ARFGEF3: variants seen among roughly 807,000 people sequenced by gnomAD.
The protein encoded by ARFGEF3 is ARFGEF family member 3.
In ARFGEF3, 96 loss-of-function variants were observed where a neutral mutation model predicts 221.7. That is an observed-to-expected ratio of 0.43 (90% CI 0.37 to 0.51). ARFGEF3 has a LOEUF of 0.51. ARFGEF3 is among the 20% of genes least tolerant of loss of function. The pLI, the probability that ARFGEF3 is intolerant of heterozygous loss-of-function variation, is 0.00. For synonymous variants in ARFGEF3, 1,145 were observed against 1,126.8 expected (o/e 1.02, Z -0.32); for missense variants, 2,410 against 2,789.9 (o/e 0.86, Z 3.07).
At chr6:138,163,882 A>G (rs1453649213) in intron 1 of ARFGEF3, among the ~76,000 whole-genome samples, 1 of 152,216 alleles carries the variant, frequency 6.6e-6, no homozygotes, top group African/African-American at 2.4e-5. Flanking sequence ...CCAGGAAAAC[A>G]AGTCAAAGAA....
intron 12 of ARFGEF3, among the ~76,000 whole-genome samples, chr6:138,266,142 G>A (rs988545734): frequency 2.6e-5 from 4 of 151,988 alleles, no homozygotes; most frequent in Non-Finnish European, 4.4e-5. Flanking sequence ...GGGCCTGGGA[G>A]GTTGAGGCTC....
rs929422285 is a variant in ARFGEF3 at position 138,337,502 on chromosome 6, G to A, written c.*1016G>A. Reference sequence around the variant, plus strand: ...CTCAGGGAAGGGAGCAGGGAGTGTGGGGTGGGGATGGATTATGATGAAATC... The same window carrying A: ...CTCAGGGAAGGGAGCAGGGAGTGTGAGGTGGGGATGGATTATGATGAAATC... On this transcript the variant is annotated 3_prime_UTR_variant, in exon 34 of 34. Coordinates refer to ENST00000251691, the MANE Select transcript of ARFGEF3 (RefSeq NM_020340.5). The A allele has an allele frequency of 2.0e-5, 3 of 152,604 alleles. No homozygotes were observed. The highest frequency in any genetic ancestry group is 7.2e-5 in the African/African-American group (3 of 41,436). The allele number at this position is 152,604 out of a possible 1,614,324, so 9.5% of individuals were successfully genotyped here.
At chr6:138,281,106 AT>A (rs1368262569) in intron 14 of ARFGEF3, among the ~76,000 whole-genome samples, 1 of 152,134 alleles carries the variant, frequency 6.6e-6, no homozygotes, top group Admixed American at 6.5e-5. Context: ...AATGAGGAGG[AT>A]TTCATCATTG....
chr6:138,279,819 A>G (rs531721287), intron 13 of ARFGEF3, among the ~76,000 whole-genome samples, 180 bp from the exon 14 acceptor site: 2 of 152,296 alleles, frequency 1.3e-5, no homozygotes, highest in Admixed American at 1.3e-4. Context: ...CAGTGAAGGA[A>G]ACCTCAGCAC....
At chr6:138,311,026 T>A (rs1419867667) in intron 24 of ARFGEF3, among the ~76,000 whole-genome samples, 1 of 152,128 alleles carries the variant, frequency 6.6e-6, no homozygotes, top group Admixed American at 6.5e-5. Context: ...AGTCACTCCA[T>A]CCAACAGCAG....
At chr6:138,288,553 G>A (rs777885290) in intron 17 of ARFGEF3, among the ~76,000 whole-genome samples, 1 of 152,080 alleles carries the variant, frequency 6.6e-6, no homozygotes, top group African/African-American at 2.4e-5. Context: ...GCTGGGCGTG[G>A]TGGTGGGTGC....
At chr6:138,223,100 G>A (rs938411330) in intron 4 of ARFGEF3, among the ~76,000 whole-genome samples, 20 of 152,220 alleles carry the variant, frequency 1.3e-4, no homozygotes, top group South Asian at 6.2e-4. Flanking sequence ...ACATTTCATG[G>A]TCGAGGTACA....
intron 21 of ARFGEF3, among the ~76,000 whole-genome samples, chr6:138,297,789 G>A (rs867604843): frequency 6.6e-6 from 1 of 152,168 alleles, no homozygotes; most frequent in Non-Finnish European, 1.5e-5. Context: ...GAAATTTGAG[G>A]TAGGCTTCTC....
At chr6:138,169,450 G>A (rs1776784969) in intron 1 of ARFGEF3, among the ~76,000 whole-genome samples, 1 of 152,158 alleles carries the variant, frequency 6.6e-6, no homozygotes, top group East Asian at 1.9e-4. Flanking sequence ...AGCCTTGGTT[G>A]ACTATATATC....
intron 10 of ARFGEF3, among the ~76,000 whole-genome samples, chr6:138,259,406 T>C (rs574242358): frequency 8.5e-5 from 13 of 152,300 alleles, no homozygotes; most frequent in Admixed American, 4.6e-4. Flanking sequence ...AAATGAACAG[T>C]AACGAAAAAG....
At chr6:138,167,767 G>C (rs1486876495) in intron 1 of ARFGEF3, among the ~76,000 whole-genome samples, 1 of 152,112 alleles carries the variant, frequency 6.6e-6, no homozygotes, top group Non-Finnish European at 1.5e-5. Context: ...GTCTGCTCTA[G>C]TTCTTTTTCC....
intron 2 of ARFGEF3, among the ~76,000 whole-genome samples, chr6:138,178,674 G>C (rs1300844554): frequency 2.0e-5 from 3 of 152,102 alleles, no homozygotes; most frequent in Non-Finnish European, 4.4e-5. Context: ...CCTTATAAAT[G>C]TTTGTGGGAT....
rs756753934 is a variant in ARFGEF3 at position 138,336,288 on chromosome 6, C to A, written c.6343-7C>A. 2.6e-5 allele frequency: 39 copies of A among 1,506,364 alleles called. No homozygotes were observed. The Admixed American group carries it at 6.4e-4, about 25-fold the overall frequency. The allele number at this position is 1,506,364 out of a possible 1,614,324, so 93.3% of individuals were successfully genotyped here. On this transcript the variant is annotated splice_region_variant and splice_polypyrimidine_tract_variant and intron_variant, in intron 33 of 33. Transcript: ENST00000251691. ...AGCCACTGATTTTCTTAAATCTTTT[C>A]TCTTAGGCATGGACCAACATGGTGC...
At chr6:138,327,784 T>C (rs1301599006) in intron 31 of ARFGEF3, among the ~76,000 whole-genome samples, 1 of 152,214 alleles carries the variant, frequency 6.6e-6, no homozygotes, top group Non-Finnish European at 1.5e-5. Flanking sequence ...GTAGAACTAG[T>C]AGCATTGCTG....
chr6:138,224,087 T>C (rs1778033113), intron 4 of ARFGEF3, among the ~76,000 whole-genome samples: 1 of 152,156 alleles, frequency 6.6e-6, no homozygotes, highest in Non-Finnish European at 1.5e-5. Flanking sequence ...CTCTCATCAC[T>C]TTAGGAATCA....
chr6:138,179,461 T>A (rs1777019156), intron 2 of ARFGEF3, among the ~76,000 whole-genome samples: 1 of 137,426 alleles, frequency 7.3e-6, no homozygotes, highest in East Asian at 2.0e-4. Context: ...TTCTAACAGC[T>A]TTTTTTTTTC....
chr6:138,166,272 T>C (rs1243196550), intron 1 of ARFGEF3, among the ~76,000 whole-genome samples: 1 of 152,226 alleles, frequency 6.6e-6, no homozygotes, highest in Non-Finnish European at 1.5e-5. Flanking sequence ...TTATATATGT[T>C]CACTTTAGAA....
chr6:138,294,186 C>A, intron 20 of ARFGEF3, 60 bp downstream of exon 20: 1 of 1,553,002 alleles, frequency 6.4e-7, no homozygotes. Flanking sequence ...GCCCAGGCCT[C>A]TATCACCAGC....
In ARFGEF3 at chr6:138,229,551, C is replaced by T. The variant is rs143822161; in HGVS notation, c.352-233C>T. Among the ~76,000 whole-genome samples, 258 of 152,296 alleles carry T rather than the reference C, an allele frequency of 1.7e-3. 1 individual carries two copies. Among genetic ancestry groups the T allele is most frequent in the African/African-American group, 6.0e-3 (251 of 41,552 alleles). On this transcript the variant is annotated intron_variant, in intron 4 of 33. Coordinates refer to ENST00000251691, the MANE Select transcript of ARFGEF3 (RefSeq NM_020340.5). ...GCTGTTTCTGGCCAGTCTTGCAAGCCCTTTCCATGGGGAGAGATTAGCAGC... is the reference window on the plus strand; with the variant it reads ...GCTGTTTCTGGCCAGTCTTGCAAGCTCTTTCCATGGGGAGAGATTAGCAGC...
Sources: gnomAD v4.1 joint callset for allele counts (sites outside exome capture counted in the v4.1 genomes callset) on GRCh38, gnomAD v4.1.1 for gene constraint, MANE v1.5 for transcripts, NCBI Gene and HGNC (gene_info 2026-07-23, HGNC 2026-07-21) for gene names.